The following C2CD2 variants were observed in gnomAD, a reference collection of about 807,000 sequenced individuals.
The protein encoded by C2CD2 is C2 calcium dependent domain containing 2.
In C2CD2, 43 loss-of-function variants were observed where a neutral mutation model predicts 74.3. The ratio of observed to expected loss-of-function variants is 0.58; its 90% CI spans 0.45 to 0.75. The LOEUF (loss-of-function observed/expected upper bound fraction) is 0.75, where lower values mean the gene tolerates loss of function less well. Ranked by LOEUF, C2CD2 falls within the 30% of genes least tolerant of loss-of-function variation. The pLI, the probability that C2CD2 is intolerant of heterozygous loss-of-function variation, is 0.00. For missense variants in C2CD2, 801 were observed against 916.3 expected (o/e 0.87, Z 1.63); for synonymous variants, 422 against 390.7 (o/e 1.08, Z -0.94).
Position 41,953,488 on chromosome 21 carries a change from T to C in C2CD2, c.161A>G (p.Glu54Gly). The C allele has an allele frequency of 6.8e-7, 1 of 1,480,204 alleles. No homozygotes were observed. Among genetic ancestry groups the C allele is most frequent in the Non-Finnish European group, 9.0e-7 (1 of 1,113,802 alleles). 91.7% of individuals were successfully genotyped at this position (1,480,204 alleles called of 1,614,324 possible). The change falls in exon 1 of 14, where the codon GAG becomes GGG. Residue 54 changes from glutamate (E) to glycine (G), a missense_variant. Glu to Gly is a moderately conservative substitution (Grantham distance 98). Coordinates refer to ENST00000380486, the MANE Select transcript of C2CD2 (RefSeq NM_015500.2). ...CGCGTCGGACCCCGGGCGCGGCCCC[T>C]CTCCAGGCTCCACCGCCCGCCGCTG... Reference protein sequence around the residue: ...QPQRRAVEPGEGPRPGSDALL... With the variant: ...QPQRRAVEPGGGPRPGSDALL...
intron 3 of C2CD2, among the ~76,000 whole-genome samples, chr21:41,921,228 G>A (rs536878430): frequency 1.1e-4 from 16 of 152,330 alleles, no homozygotes; most frequent in Middle Eastern, 6.8e-3. Context: ...CCAAGGACAC[G>A]GGACACGGGA....
rs1486438453 is a variant in C2CD2, at chr21:41,953,473, C to A, written c.176G>T (p.Gly59Val). The A allele has an allele frequency of 1.2e-5, 18 of 1,484,712 alleles. No individual in the cohort carries two copies. The highest frequency in any genetic ancestry group is 1.4e-5 in the Non-Finnish European group (16 of 1,115,166). 92.0% of individuals were successfully genotyped at this position (1,484,712 alleles called of 1,614,324 possible). A position where few individuals can be genotyped will look rare whatever the true frequency, so the allele number is the denominator to read the frequency against. Residue 59 changes from glycine (G) to valine (V), a missense_variant, in exon 1 of 14, where the codon GGG becomes GTG. Coordinates refer to ENST00000380486, the MANE Select transcript of C2CD2 (RefSeq NM_015500.2). ...AVEPGEGPRP[G>V]SDALLSWILT... is the part of the protein sequence containing the mutation. Reference sequence around the variant, plus strand: ...GATCCAGGAGAGCAGCGCGTCGGACCCCGGGCGCGGCCCCTCTCCAGGCTC... The same window carrying A: ...GATCCAGGAGAGCAGCGCGTCGGACACCGGGCGCGGCCCCTCTCCAGGCTC...
intron 2 of C2CD2, among the ~76,000 whole-genome samples, chr21:41,928,544 C>CAAAAAAAAAAAAAAAAAAA (rs59346777): frequency 1.4e-5 from 1 of 72,258 alleles, no homozygotes. Context: ...TAAAGCAAAG[C>CAAAAAAAAAAAAAAAAAAA]AAAAAAAAAA....
At chr21:41,931,569 C>A (rs140907867) in intron 2 of C2CD2, among the ~76,000 whole-genome samples, 1,681 of 149,464 alleles carry the variant, frequency 0.011, 49 homozygotes, top group African/African-American at 0.038. Context: ...ACTACAGGCG[C>A]GTGCCACCAC....
intron 2 of C2CD2, among the ~76,000 whole-genome samples, chr21:41,937,496 A>G (rs1260380931): frequency 6.6e-6 from 1 of 152,238 alleles, no homozygotes; most frequent in African/African-American, 2.4e-5. Context: ...TGACTACATT[A>G]TCAGTAAGAC....
chr21:41,901,507 A>G, intron 12 of C2CD2, 115 bp downstream of exon 12: 1 of 1,065,764 alleles, frequency 9.4e-7, no homozygotes, highest in Non-Finnish European at 1.5e-6. Flanking sequence ...ACATTTGTAA[A>G]TGGAACTCTC....
At chr21:41,940,435 G>A (rs918134562) in intron 2 of C2CD2, among the ~76,000 whole-genome samples, 1 of 152,222 alleles carries the variant, frequency 6.6e-6, no homozygotes, top group African/African-American at 2.4e-5. Flanking sequence ...ATACGTAAGA[G>A]GTGGGGTGAA....
In C2CD2 at chr21:41,885,262, C is replaced by G. The variant is rs1456715805; in HGVS notation, c.*3862G>C. 1 of 152,210 alleles carries G rather than the reference C, an allele frequency of 6.6e-6. No homozygotes were observed. The highest frequency in any genetic ancestry group is 2.4e-5 in the African/African-American group (1 of 41,428). 9.4% of individuals were successfully genotyped at this position (152,210 alleles called of 1,614,324 possible). On this transcript the variant is annotated 3_prime_UTR_variant, in exon 14 of 14. Coordinates refer to ENST00000380486, the MANE Select transcript of C2CD2 (RefSeq NM_015500.2). Reference sequence around the variant, plus strand: ...CTACTGAGGAATACAATCATTGTCACGTAAGTTCATCACCGCACTCCAGCG... The same window carrying G: ...CTACTGAGGAATACAATCATTGTCAGGTAAGTTCATCACCGCACTCCAGCG...
In C2CD2 at chr21:41,892,541, A is replaced by G. The variant is rs1470731380; in HGVS notation, c.1871-3197T>C. On this transcript the variant is annotated intron_variant, in intron 13 of 13. Transcript: ENST00000380486. The surrounding 1 kb of genome is among the most constrained non-coding windows in gnomAD (Gnocchi z 4.6). Reference sequence around the variant, plus strand: ...ACATGGAGGAGTGGAGGCGGAGAGGACAGTGAAGCAGCATCCTCAGCCCCG... The same window carrying G: ...ACATGGAGGAGTGGAGGCGGAGAGGGCAGTGAAGCAGCATCCTCAGCCCCG... 6.6e-6 allele frequency among the ~76,000 whole-genome samples: 1 copy of G among 152,172 alleles called. No individual in the cohort carries two copies. The highest frequency in any genetic ancestry group is 1.5e-5 in the Non-Finnish European group (1 of 68,024).
rs564215619 is a variant in C2CD2, at chr21:41,953,728, G to A, written c.-80C>T. 5.1e-4 allele frequency: 624 copies of A among 1,227,226 alleles called. 3 individuals are homozygous for A. In the African/African-American group the frequency reaches 8.3e-3, roughly 16 times the overall value. The allele number at this position is 1,227,226 out of a possible 1,614,324, so 76.0% of individuals were successfully genotyped here. On this transcript the variant is annotated 5_prime_UTR_variant, in exon 1 of 14. Transcript: ENST00000380486. Reference sequence around the variant, plus strand: ...GGCGGACTCAGGACACGCGCTGGCTGCGGCCACAGCGCGCTGGGGGCGTGG... The same window carrying A: ...GGCGGACTCAGGACACGCGCTGGCTACGGCCACAGCGCGCTGGGGGCGTGG...
At chr21:41,922,766 C>G (rs530468994) in intron 2 of C2CD2, among the ~76,000 whole-genome samples, 1 of 152,158 alleles carries the variant, frequency 6.6e-6, no homozygotes, top group Admixed American at 6.5e-5. Context: ...TGAGCCACCA[C>G]GCCTGGCCTA....
chr21:41,932,445 CA>C lies in C2CD2; in HGVS notation c.378+9701del, dbSNP rs1569078203. 1.5e-4 allele frequency among the ~76,000 whole-genome samples: 23 copies of C among 149,578 alleles called. 2 individuals are homozygous for C. The highest frequency in any genetic ancestry group is 9.0e-5 in the Non-Finnish European group (6 of 66,680). On this transcript the variant is annotated intron_variant, in intron 2 of 13. Transcript: ENST00000380486. Reference sequence around the variant, plus strand: ...GTGGGTTGGGGAAGTCTGCCATCTACAGATAGTCAGAAGAACGGGGGCAACC... The same window carrying C: ...GTGGGTTGGGGAAGTCTGCCATCTACGATAGTCAGAAGAACGGGGGCAACC...
chr21:41,945,326 G>GT lies in C2CD2; in HGVS notation c.280-3082_280-3081insA, dbSNP rs2065389808. Among the ~76,000 whole-genome samples, 1 of 152,108 alleles carries GT rather than the reference G, an allele frequency of 6.6e-6. No individual in the cohort carries two copies. The highest frequency in any genetic ancestry group is 2.1e-4 in the South Asian group (1 of 4,822). On this transcript the variant is annotated intron_variant, in intron 1 of 13. Transcript: ENST00000380486. The surrounding 1 kb of genome is among the most constrained non-coding windows in gnomAD (Gnocchi z 4.2). Reference sequence around the variant, plus strand: ...ATACACACGTATGTTTGCTATTGCTGAACACTGAAGGGGAGCAATGAGAAC... The same window carrying GT: ...ATACACACGTATGTTTGCTATTGCTGTAACACTGAAGGGGAGCAATGAGAAC...
rs368217991 is a variant in C2CD2 at position 41,901,694 on chromosome 21, G to A, written c.1488C>T (p.Leu496=). Residue 496 remains leucine, a synonymous_variant, in exon 12 of 14, where the codon CTC becomes CTT. Coordinates refer to ENST00000380486, the MANE Select transcript of C2CD2 (RefSeq NM_015500.2). The part of the protein sequence containing the change: ...DPVAEVAIRQ[L]SESSKLKLKS... ...TGAGTTTCAGCTTTGAAGATTCACTGAGCTGTCGAATGGCCACTTCAGCCA... is the reference window on the plus strand; with the variant it reads ...TGAGTTTCAGCTTTGAAGATTCACTAAGCTGTCGAATGGCCACTTCAGCCA... 1.2e-5 allele frequency: 19 copies of A among 1,613,608 alleles called. 1 individual carries two copies. The Middle Eastern group carries it at 1.6e-3, about 140-fold the overall frequency.
chr21:41,914,790 G>C, intron 5 of C2CD2, 69 bp from the exon 6 acceptor site: 1 of 1,393,520 alleles, frequency 7.2e-7, no homozygotes, highest in Non-Finnish European at 9.9e-7. Context: ...AGTAGCCACT[G>C]GACTCCTGTT....
rs777063564 is a variant in C2CD2, at chr21:41,901,637, T to TCTCC, written c.1544_1545insGGAG (p.Ile515MetfsTer91). On this transcript the variant is annotated frameshift_variant, in exon 12 of 14. Transcript: ENST00000380486. LOFTEE classifies it high-confidence loss of function. ...ACGATGGTACCTTGGAGATCCCTGATATGATAATAGTGCTTTTCTTCCGTG... is the reference window on the plus strand; with the variant it reads ...ACGATGGTACCTTGGAGATCCCTGATCTCCATGATAATAGTGCTTTTCTTCCGTG... 6.2e-7 allele frequency: 1 copy of TCTCC among 1,614,096 alleles called. No individual in the cohort carries two copies. The highest frequency in any genetic ancestry group is 8.5e-7 in the Non-Finnish European group (1 of 1,180,034).
At chr21:41,936,301 A>G (rs55820552) in intron 2 of C2CD2, among the ~76,000 whole-genome samples, 39,609 of 152,152 alleles carry the variant, frequency 0.26, 5,426 homozygotes, top group South Asian at 0.42. Flanking sequence ...ATCTGAATAG[A>G]TGTTTCTCCT....
At chr21:41,900,060 G>A (rs1418238215) in intron 12 of C2CD2, among the ~76,000 whole-genome samples, 1 of 152,080 alleles carries the variant, frequency 6.6e-6, no homozygotes. Context: ...GTGCCAGCCT[G>A]TGGAAGCGCC....
At position 41,899,023 on chromosome 21, in the gene C2CD2, G is replaced by A; in HGVS notation, c.1870+30C>T. The A allele has an allele frequency of 6.4e-7, 1 of 1,573,048 alleles. No homozygotes were observed. Among genetic ancestry groups the A allele is most frequent in the South Asian group, 1.1e-5 (1 of 89,930 alleles). On this transcript the variant is annotated intron_variant, in intron 13 of 13. Coordinates refer to ENST00000380486, the MANE Select transcript of C2CD2 (RefSeq NM_015500.2). The surrounding 1 kb of genome is among the most constrained non-coding windows in gnomAD (Gnocchi z 4.4). ...TGAGCGCAAAGCCACCAAGTGGGGG[G>A]CCCGGGATGGGGGGCTCGGGAGCAG...
Sources: gnomAD v4.1 joint callset for allele counts (sites outside exome capture counted in the v4.1 genomes callset) on GRCh38, gnomAD v4.1.1 for gene constraint, Gnocchi (gnomAD v3.1) non-coding constraint, MANE v1.5 for transcripts, NCBI Gene and HGNC (gene_info 2026-07-23, HGNC 2026-07-21) for gene names.